Variants in ADAMTS19 observed in about 807,000 individuals in gnomAD.
ADAMTS19 encodes A disintegrin and metalloproteinase with thrombospondin motifs 19.
Under a neutral mutation model 153.3 loss-of-function variants are expected in ADAMTS19, and 93 were observed. That is an observed-to-expected ratio of 0.61 (90% confidence interval 0.51 to 0.72). ADAMTS19 has a LOEUF of 0.72. ADAMTS19 is among the 30% of genes least tolerant of loss of function. The pLI is 0.00. For synonymous variants in ADAMTS19, 600 were observed against 556.6 expected (o/e 1.08, Z -1.10); for missense variants, 1,482 against 1,552.1 (o/e 0.95, Z 0.76).
intron 2 of ADAMTS19, among the ~76,000 whole-genome samples, chr5:129,501,371 G>C (rs1179286526): frequency 1.3e-5 from 2 of 152,106 alleles, no homozygotes; most frequent in Admixed American, 6.6e-5. Flanking sequence ...ATATAGAACA[G>C]TCAGCTCAAG....
rs1176867982 is a variant in ADAMTS19, at chr5:129,658,603, C to A, written c.2305-14C>A. The A allele has an allele frequency of 1.2e-6, 2 of 1,609,614 alleles. No homozygotes were observed. Among genetic ancestry groups the A allele is most frequent in the Non-Finnish European group, 1.7e-6 (2 of 1,178,296 alleles). On this transcript the variant is annotated splice_polypyrimidine_tract_variant and intron_variant, in intron 14 of 22. Transcript: ENST00000274487. ...TACTGCTATTTATGATGTGCTGTCACTCTCTTGTTACAGAAAGTTGGCTGT... is the reference window on the plus strand; with the variant it reads ...TACTGCTATTTATGATGTGCTGTCAATCTCTTGTTACAGAAAGTTGGCTGT...
chr5:129,535,565 A>C (rs1402442387), intron 6 of ADAMTS19, among the ~76,000 whole-genome samples: 3 of 152,222 alleles, frequency 2.0e-5, no homozygotes, highest in South Asian at 2.1e-4. Context: ...AAGCTACTTT[A>C]AAGTTCATAG....
rs775976863 is a variant in ADAMTS19, at chr5:129,534,692, G to A, written c.1328+6015G>A. Among the ~76,000 whole-genome samples, 25 of 152,222 alleles carry A rather than the reference G, an allele frequency of 1.6e-4. No homozygotes were observed. In the South Asian group the frequency reaches 3.3e-3, roughly 20 times the overall value. ...ATCCTCAATAAAATACTGGCAAACCGAATCCAGCAGCACATCAAAAAGCTT... is the reference window on the plus strand; with the variant it reads ...ATCCTCAATAAAATACTGGCAAACCAAATCCAGCAGCACATCAAAAAGCTT... On this transcript the variant is annotated intron_variant, in intron 6 of 22. Coordinates refer to ENST00000274487, the MANE Select transcript of ADAMTS19 (RefSeq NM_133638.6).
chr5:129,725,216 A>G (rs1581265958), intron 21 of ADAMTS19, among the ~76,000 whole-genome samples: 1 of 152,282 alleles, frequency 6.6e-6, no homozygotes, highest in Non-Finnish European at 1.5e-5. Context: ...ACGGAAAGTA[A>G]ACTTGGAAGA....
At chr5:129,701,304 C>T in intron 19 of ADAMTS19, 84 bp from the exon 20 acceptor site, 9 of 1,483,368 alleles carry the variant, frequency 6.1e-6, no homozygotes, top group Non-Finnish European at 8.4e-6. Flanking sequence ...TTGGGTATGT[C>T]TTTATTAGCA....
chr5:129,631,133 A>G (rs1048334884), intron 10 of ADAMTS19, among the ~76,000 whole-genome samples: 8 of 150,360 alleles, frequency 5.3e-5, no homozygotes, highest in South Asian at 2.1e-4. Flanking sequence ...TTGGGAATAT[A>G]GTATAATCAC....
intron 6 of ADAMTS19, among the ~76,000 whole-genome samples, chr5:129,536,094 T>G (rs144224606): frequency 0.026 from 3,951 of 152,078 alleles, 92 homozygotes; most frequent in Middle Eastern, 0.068. Flanking sequence ...CTTCTGCACA[T>G]CAAAAGAAAC....
intron 7 of ADAMTS19, among the ~76,000 whole-genome samples, chr5:129,578,041 T>TACACAC (rs748371915): frequency 0.019 from 1,847 of 98,568 alleles, 86 homozygotes; most frequent in African/African-American, 0.049. Context: ...CAAACTTACA[T>TACACAC]ACACACACAC....
intron 7 of ADAMTS19, among the ~76,000 whole-genome samples, chr5:129,565,458 T>G (rs1753674158): frequency 6.6e-6 from 1 of 152,310 alleles, no homozygotes; most frequent in East Asian, 1.9e-4. Context: ...CAATTTTTAT[T>G]GGTTCTTGCA....
chr5:129,654,578 G>A, intron 14 of ADAMTS19, 145 bp downstream of exon 14: 3 of 898,724 alleles, frequency 3.3e-6, no homozygotes, highest in Non-Finnish European at 4.9e-6. Context: ...CCTTGAGCAA[G>A]TCTGATTTAC....
chr5:129,583,822 C>G (rs1749646539), intron 7 of ADAMTS19, among the ~76,000 whole-genome samples: 1 of 151,912 alleles, frequency 6.6e-6, no homozygotes, highest in South Asian at 2.1e-4. Context: ...TAACCATTTC[C>G]AAGGTTCTTA....
chr5:129,701,371 T>C lies in ADAMTS19; in HGVS notation c.2955-17T>C. 1.2e-6 allele frequency: 2 copies of C among 1,614,044 alleles called. No individual in the cohort carries two copies. The highest frequency in any genetic ancestry group is 1.7e-6 in the Non-Finnish European group (2 of 1,179,920). On this transcript the variant is annotated splice_polypyrimidine_tract_variant and intron_variant, in intron 19 of 22. Transcript: ENST00000274487. ...TATCTTTTAACTTGTTTCCAGTGAC[T>C]CTTGCTTTACTTTCAGGTGGATGAT...
At position 129,665,460 on chromosome 5, in the gene ADAMTS19, G is replaced by A. The variant is rs144848670; in HGVS notation, c.2426-39G>A. ...TCAATGAAGAAAAGAGATTTTGAAG[G>A]AACTCAAGATTTATTTCATGTTTTA... is the stretch of plus-strand genomic sequence containing the variant. On this transcript the variant is annotated intron_variant, in intron 15 of 22. Transcript: ENST00000274487. The A allele has an allele frequency of 2.7e-5, 40 of 1,470,496 alleles. No individual in the cohort carries two copies. In the African/African-American group the frequency reaches 4.0e-4, roughly 15 times the overall value. The allele number at this position is 1,470,496 out of a possible 1,614,324, so 91.1% of individuals were successfully genotyped here.
At chr5:129,623,737 A>G (rs1158287071) in intron 10 of ADAMTS19, among the ~76,000 whole-genome samples, 1 of 152,106 alleles carries the variant, frequency 6.6e-6, no homozygotes, top group Non-Finnish European at 1.5e-5. Flanking sequence ...AGGGACTGGC[A>G]CAGAGTAAGT....
At chr5:129,555,626 G>A (rs986103351) in intron 7 of ADAMTS19, among the ~76,000 whole-genome samples, 5 of 152,004 alleles carry the variant, frequency 3.3e-5, no homozygotes, top group East Asian at 1.9e-4. Flanking sequence ...TGTGACAGTC[G>A]CAAAGCAGCT....
Position 129,577,642 on chromosome 5 carries a change from G to T in ADAMTS19, c.1373-18917G>T, listed in dbSNP as rs572604974. On this transcript the variant is annotated intron_variant, in intron 7 of 22. Transcript: ENST00000274487. ...CAGTCAAGAGGTCCTAAGATGTAAC[G>T]ATGCTTGCTCACATTTGAGAAATGA... Among the ~76,000 whole-genome samples the T allele has an allele frequency of 8.5e-5, 13 of 152,206 alleles. No individual in the cohort carries two copies. In the East Asian group the frequency reaches 2.3e-3, roughly 27 times the overall value.
chr5:129,566,989 A>G (rs904543692), intron 7 of ADAMTS19, among the ~76,000 whole-genome samples: 1 of 151,948 alleles, frequency 6.6e-6, no homozygotes, highest in Non-Finnish European at 1.5e-5. Context: ...TGAGAACTGC[A>G]TGGAAGTGGA....
At chr5:129,735,239 G>A (rs1757615362) in intron 22 of ADAMTS19, 130 bp downstream of exon 22, 4 of 937,156 alleles carry the variant, frequency 4.3e-6, no homozygotes, top group East Asian at 3.2e-5. Context: ...CACTAAATTG[G>A]ATCCATTTAA....
rs189555178 is a variant in ADAMTS19, at chr5:129,723,250, T to A, written c.3313-11682T>A. Among the ~76,000 whole-genome samples, 4 of 152,358 alleles carry A rather than the reference T, an allele frequency of 2.6e-5. No homozygotes were observed. The East Asian group carries it at 7.7e-4, about 29-fold the overall frequency. On this transcript the variant is annotated intron_variant, in intron 21 of 22. Transcript: ENST00000274487. Reference sequence around the variant, plus strand: ...CTTCTGTAAACTTGAACATTGCTTATACTTCCCCCAGGTATTTCCCTTTCA... The same window carrying A: ...CTTCTGTAAACTTGAACATTGCTTAAACTTCCCCCAGGTATTTCCCTTTCA...
Sources: gnomAD v4.1 joint callset for allele counts (sites outside exome capture counted in the v4.1 genomes callset) on GRCh38, gnomAD v4.1.1 for gene constraint, MANE v1.5 for transcripts, NCBI Gene and HGNC (gene_info 2026-07-23, HGNC 2026-07-21) for gene names.